The following MAP4K4 variants were observed in gnomAD, a reference collection of about 807,000 sequenced individuals.
MAP4K4 encodes mitogen-activated protein kinase kinase kinase kinase 4.
A neutral mutation model predicts 189.6 loss-of-function variants in MAP4K4; 38 were observed. That is an observed-to-expected ratio of 0.20 (90% confidence interval 0.15 to 0.26). The LOEUF is 0.26. MAP4K4 is among the 10% of genes least tolerant of loss of function. MAP4K4 has a pLI of 1.00. For synonymous variants in MAP4K4, 610 were observed against 624.3 expected (o/e 0.98, Z 0.34); for missense variants, 1,054 against 1,726.9 (o/e 0.61, Z 6.91).
At chr2:101,760,668 T>C (rs1339778454) in intron 2 of MAP4K4, among the ~76,000 whole-genome samples, 1 of 151,776 alleles carries the variant, frequency 6.6e-6, no homozygotes. Flanking sequence ...AAAAATAAAG[T>C]TTGGAGAGGC....
At chr2:101,727,087 T>C (rs1238616884) in intron 2 of MAP4K4, among the ~76,000 whole-genome samples, 1 of 152,166 alleles carries the variant, frequency 6.6e-6, no homozygotes, top group Non-Finnish European at 1.5e-5. Flanking sequence ...AGAGTCCTCA[T>C]GGCCCAGTCA....
intron 3 of MAP4K4, among the ~76,000 whole-genome samples, chr2:101,792,116 G>A (rs1350282026): frequency 1.3e-5 from 2 of 152,174 alleles, no homozygotes; most frequent in Non-Finnish European, 2.9e-5. Flanking sequence ...AAATACAGTA[G>A]TTGAGCTATT....
At chr2:101,729,206 A>T (rs1179259847) in intron 2 of MAP4K4, among the ~76,000 whole-genome samples, 1 of 150,938 alleles carries the variant, frequency 6.6e-6, no homozygotes, top group Non-Finnish European at 1.5e-5. Context: ...GTTGTAGAAG[A>T]CATTATACTC....
chr2:101,805,070 A>G (rs1410579103), intron 3 of MAP4K4, among the ~76,000 whole-genome samples: 2 of 124,298 alleles, frequency 1.6e-5, no homozygotes, highest in African/African-American at 7.4e-5. Context: ...GAGACTCCAG[A>G]TCAAAAAAAA....
chr2:101,759,194 G>C (rs1161779305), intron 2 of MAP4K4, among the ~76,000 whole-genome samples: 4 of 151,334 alleles, frequency 2.6e-5, no homozygotes, highest in Non-Finnish European at 4.4e-5. Flanking sequence ...TGTTTCAGTA[G>C]ACTATAAGGG....
intron 2 of MAP4K4, among the ~76,000 whole-genome samples, chr2:101,725,564 A>C (rs2054842647): frequency 1.3e-5 from 2 of 152,210 alleles, no homozygotes; most frequent in African/African-American, 4.8e-5. Context: ...TGCATAATCA[A>C]GCCTTTTCCC....
At chr2:101,702,453 C>T (rs767383265) in intron 2 of MAP4K4, among the ~76,000 whole-genome samples, 4 of 151,940 alleles carry the variant, frequency 2.6e-5, no homozygotes, top group Non-Finnish European at 4.4e-5. Context: ...CCTGTAATCC[C>T]GGCTACTCAG....
At chr2:101,770,538 A>G (rs1434797358) in intron 2 of MAP4K4, among the ~76,000 whole-genome samples, 1 of 152,130 alleles carries the variant, frequency 6.6e-6, no homozygotes, top group Non-Finnish European at 1.5e-5. Context: ...CGGCCTCCCA[A>G]AGTGTTGGGA....
intron 24 of MAP4K4, among the ~76,000 whole-genome samples, chr2:101,872,980 A>C (rs1162482494): frequency 2.0e-5 from 3 of 152,204 alleles, no homozygotes; most frequent in Non-Finnish European, 2.9e-5. Context: ...TTGTCATTAC[A>C]TTTCCACTTA....
chr2:101,750,660 A>G (rs941613531), intron 2 of MAP4K4, among the ~76,000 whole-genome samples: 7 of 151,434 alleles, frequency 4.6e-5, no homozygotes, highest in Non-Finnish European at 8.8e-5. Flanking sequence ...TAAAGTATAT[A>G]TATAAAAAAA....
intron 12 of MAP4K4, among the ~76,000 whole-genome samples, chr2:101,850,828 C>T (rs1004815792): frequency 4.6e-5 from 7 of 152,108 alleles, no homozygotes; most frequent in African/African-American, 1.2e-4. Context: ...ATTCCTCATA[C>T]GTGATTTATT....
Position 101,882,704 on chromosome 2 carries a change from A to G in MAP4K4, c.3520+19A>G, listed in dbSNP as rs1316982580. ...AAAGTTGGTAAGTTCTAGAAGCGTCATATTTTGTTTTTCCAGAGTTTGATT... is the reference window on the plus strand; with the variant it reads ...AAAGTTGGTAAGTTCTAGAAGCGTCGTATTTTGTTTTTCCAGAGTTTGATT... On this transcript the variant is annotated intron_variant, in intron 28 of 32. Coordinates refer to ENST00000324219, the Ensembl canonical transcript of MAP4K4. 3 of 1,515,926 alleles carry G rather than the reference A, an allele frequency of 2.0e-6. No individual in the cohort carries two copies. The highest frequency in any genetic ancestry group is 1.3e-5 in the South Asian group (1 of 77,132). The allele number at this position is 1,515,926 out of a possible 1,614,324, so 93.9% of individuals were successfully genotyped here.
At chr2:101,729,077 G>GAAAA (rs70946662) in intron 2 of MAP4K4, among the ~76,000 whole-genome samples, 2 of 128,676 alleles carry the variant, frequency 1.6e-5, no homozygotes. Context: ...ATTAGAGAGA[G>GAAAA]GAGAGAGAGA....
intron 2 of MAP4K4, among the ~76,000 whole-genome samples, chr2:101,776,029 C>T (rs1263007137): frequency 6.6e-6 from 1 of 152,140 alleles, no homozygotes; most frequent in African/African-American, 2.4e-5. Context: ...TTTTGGAGGG[C>T]TTTCAATTTC....
intron 3 of MAP4K4, among the ~76,000 whole-genome samples, chr2:101,819,971 G>T (rs1039301436): frequency 7.9e-5 from 12 of 152,112 alleles, no homozygotes; most frequent in Admixed American, 5.2e-4. Context: ...TGCCAATTCG[G>T]GAGTTTTCAC....
intron 2 of MAP4K4, among the ~76,000 whole-genome samples, chr2:101,785,985 C>G (rs1216934722): frequency 6.6e-6 from 1 of 152,034 alleles, no homozygotes; most frequent in African/African-American, 2.4e-5. Context: ...GCCACCATGC[C>G]TGGCTGATTT....
chr2:101,863,957 A>G, exon 17 of MAP4K4: 1 of 1,367,706 alleles, frequency 7.3e-7, no homozygotes, highest in East Asian at 4.5e-5. Context: ...TCCCGCAGTG[A>G]GGTGCTCAGT....
rs1425909417 is a variant in MAP4K4 at position 101,714,886 on chromosome 2, C to T, written c.123+16348C>T. On this transcript the variant is annotated intron_variant, in intron 2 of 32. Transcript: ENST00000324219. Reference sequence around the variant, plus strand: ...AGATACCTTCTCATAGTTAAAAAAACCAGCTTAAGAAATTCTTGCCACCCA... The same window carrying T: ...AGATACCTTCTCATAGTTAAAAAAATCAGCTTAAGAAATTCTTGCCACCCA... Among the ~76,000 whole-genome samples the T allele has an allele frequency of 4.6e-5, 7 of 152,160 alleles. No individual in the cohort carries two copies. The East Asian group carries it at 1.2e-3, about 25-fold the overall frequency.
chr2:101,832,479 C>G (rs1224084582), intron 7 of MAP4K4, among the ~76,000 whole-genome samples: 1 of 152,112 alleles, frequency 6.6e-6, no homozygotes, highest in African/African-American at 2.4e-5. Context: ...TTAACAGTTT[C>G]CCATGTATTT....
Sources: gnomAD v4.1 joint callset for allele counts (sites outside exome capture counted in the v4.1 genomes callset) on GRCh38, gnomAD v4.1.1 for gene constraint, MANE v1.5 for transcripts, NCBI Gene and HGNC (gene_info 2026-07-23, HGNC 2026-07-21) for gene names.